The following ADGRA2 variants were observed in gnomAD, a reference collection of about 807,000 sequenced individuals.
ADGRA2 encodes the protein adhesion G protein-coupled receptor A2.
In ADGRA2, 61 loss-of-function variants were observed where a neutral mutation model predicts 98.7. The observed-to-expected ratio is 0.62, with a 90% CI of 0.50 to 0.76. The LOEUF (loss-of-function observed/expected upper bound fraction) is 0.76, where lower values mean the gene tolerates loss of function less well. Among genes scored for constraint, ADGRA2 ranks in the 30% least tolerant of loss-of-function variants. The pLI, the probability that ADGRA2 is intolerant of heterozygous loss-of-function variation, is 0.00. For synonymous variants in ADGRA2, 858 were observed against 831.5 expected, an observed-to-expected ratio of 1.03 and a Z score of -0.55; for missense variants, 1,712 against 1,860.0, an observed-to-expected ratio of 0.92 and a Z score of 1.46.
At chr8:37,825,356 G>T (rs1253982739) in intron 2 of ADGRA2, among the ~76,000 whole-genome samples, 1 of 151,740 alleles carries the variant, frequency 6.6e-6, no homozygotes, top group South Asian at 2.1e-4. Flanking sequence ...TGATTCTCCT[G>T]CCTCAGCCTC....
Position 37,832,936 on chromosome 8 carries a change from C to A in ADGRA2, c.1098-74C>A, listed in dbSNP as rs1025147282. The A allele has an allele frequency of 5.9e-6, 7 of 1,190,068 alleles. No homozygotes were observed. The African/African-American group carries it at 6.0e-5, about 10-fold the overall frequency. 73.7% of individuals were successfully genotyped at this position (1,190,068 alleles called of 1,614,324 possible). ...AAGGCCCCAAGGAGTCCGGCCTCACCGTTCTAAAGTCGGGAGAAGGGCTGT... is the reference window on the plus strand; with the variant it reads ...AAGGCCCCAAGGAGTCCGGCCTCACAGTTCTAAAGTCGGGAGAAGGGCTGT... On this transcript the variant is annotated intron_variant, in intron 8 of 18. Transcript: ENST00000412232.
chr8:37,840,856 A>AGGGC lies in ADGRA2; in HGVS notation c.2747+7_2747+8insGGGC. 38 of 1,483,254 alleles carry AGGGC rather than the reference A, an allele frequency of 2.6e-5. No individual in the cohort carries two copies. Among genetic ancestry groups the AGGGC allele is most frequent in the Non-Finnish European group, 3.4e-5 (36 of 1,067,438 alleles). 91.9% of individuals were successfully genotyped at this position (1,483,254 alleles called of 1,614,324 possible). A position where few individuals can be genotyped will look rare whatever the true frequency, so the allele number is the denominator to read the frequency against. ...ACCGGGACCACAGCCCCTAGTGAGC[A>AGGGC]CCCCTCCCTCCCGCCCCAAGCCTAC... On this transcript the variant is annotated splice_region_variant and intron_variant, in intron 18 of 18. Transcript: ENST00000412232.
At chr8:37,840,378 C>CCGTCTTTGG in intron 17 of ADGRA2, 112 bp downstream of exon 17, 1 of 1,184,538 alleles carries the variant, frequency 8.4e-7, no homozygotes, top group Non-Finnish European at 1.2e-6. Context: ...GATCACTCTC[C>CCGTCTTTGG]AAAGACGGGG....
chr8:37,835,831 T>C, intron 13 of ADGRA2, 61 bp downstream of exon 13: 1 of 1,046,256 alleles, frequency 9.6e-7, no homozygotes, highest in Admixed American at 1.9e-5. Flanking sequence ...CCTGTTCCCC[T>C]TTATCCTGCC....
At chr8:37,817,942 C>T (rs889592851) in intron 2 of ADGRA2, among the ~76,000 whole-genome samples, 4 of 152,098 alleles carry the variant, frequency 2.6e-5, no homozygotes, top group Non-Finnish European at 4.4e-5. Context: ...TGCTTGAACC[C>T]GGGAGGCATA....
intron 13 of ADGRA2, among the ~76,000 whole-genome samples, chr8:37,836,177 A>G (rs115502283): frequency 0.01 from 1,551 of 152,150 alleles, 15 homozygotes; most frequent in African/African-American, 0.035. Context: ...TGGAAGGAAT[A>G]AAAACATCTA....
intron 2 of ADGRA2, among the ~76,000 whole-genome samples, chr8:37,822,159 A>G (rs1422611492): frequency 1.3e-5 from 2 of 152,146 alleles, no homozygotes; most frequent in Non-Finnish European, 2.9e-5. Flanking sequence ...GGATGGGACT[A>G]GAACCTCTCC....
At chr8:37,828,496 T>TC (rs1805348792) in intron 2 of ADGRA2, among the ~76,000 whole-genome samples, 1 of 144,256 alleles carries the variant, frequency 6.9e-6, no homozygotes, top group Non-Finnish European at 1.5e-5. Context: ...TTTTTTTTTT[T>TC]TTTTTTTTGA....
At position 37,837,795 on chromosome 8, in the gene ADGRA2, A is replaced by G; in HGVS notation, c.2115A>G (p.Gly705=). 1 of 1,548,544 alleles carries G rather than the reference A, an allele frequency of 6.5e-7. No homozygotes were observed. The highest frequency in any genetic ancestry group is 8.7e-7 in the Non-Finnish European group (1 of 1,145,872). The part of the protein sequence containing the change: ...VAVSLRHWAE[G]AEPVAAWWSQ... Reference sequence around the variant, plus strand: ...TTTCGCTGCGGCACTGGGCTGAGGGAGCCGAACCTGTGGCCGCTTGGTGGA... The same window carrying G: ...TTTCGCTGCGGCACTGGGCTGAGGGGGCCGAACCTGTGGCCGCTTGGTGGA... The change falls in exon 14 of 19, where the codon GGA becomes GGG. Residue 705 remains glycine (G), a synonymous_variant. Coordinates refer to ENST00000412232, the MANE Select transcript of ADGRA2 (RefSeq NM_032777.10).
At chr8:37,832,015 A>G (rs1805469172) in intron 8 of ADGRA2, among the ~76,000 whole-genome samples, 1 of 152,216 alleles carries the variant, frequency 6.6e-6, no homozygotes, top group Non-Finnish European at 1.5e-5. Context: ...AGCCAAGATC[A>G]CACCATTGCA....
intron 8 of ADGRA2, 36 bp from the exon 9 acceptor site, chr8:37,832,974 C>T (rs544192044): frequency 1.3e-6 from 2 of 1,536,856 alleles, no homozygotes; most frequent in African/African-American, 2.7e-5. Context: ...TTCTGAGAAG[C>T]CCGGTTCATC....
chr8:37,841,496 T>C lies in ADGRA2; in HGVS notation c.3158T>C (p.Leu1053Ser). The change falls in exon 19 of 19, where the codon TTG becomes TCG. Residue 1053 changes from leucine (L) to serine (S), a missense_variant. By Grantham distance (145) the Leu-to-Ser change is moderately radical. Transcript: ENST00000412232. The surrounding 1 kb of genome is among the most constrained non-coding windows in gnomAD (Gnocchi z 5.0). ...CTGCCCCGGGTGGTGTGCAGCTGCT[T>C]GTACGGGGTGGCAGCCTCCGCCCTG... ...RWLPRVVCSC[L>S]YGVAASALGL... 2 of 1,613,008 alleles carry C rather than the reference T, an allele frequency of 1.2e-6. No homozygotes were observed. The highest frequency in any genetic ancestry group is 8.5e-7 in the Non-Finnish European group (1 of 1,179,864).
Position 37,834,042 on chromosome 8 carries a change from G to C in ADGRA2, c.1522G>C (p.Glu508Gln). The change falls in exon 11 of 19, where the codon GAG (glutamate) becomes CAG (glutamine). Residue 508 changes from glutamate (E) to glutamine (Q), a missense_variant. Transcript: ENST00000412232. This position sits in a 1 kb window ranked among gnomAD's most constrained non-coding sequence, Gnocchi z 4.2. ...DEHLLWLAQR[E>Q]DKACSRIVGA... ...GCACCTGCTGTGGCTGGCCCAGCGC[G>C]AGGACAAGGCCTGCAGCCGCATCGT... 6.2e-7 allele frequency: 1 copy of C among 1,612,998 alleles called. No individual in the cohort carries two copies.
intron 16 of ADGRA2, 52 bp downstream of exon 16, chr8:37,839,674 C>G: frequency 6.2e-7 from 1 of 1,600,270 alleles, no homozygotes; most frequent in Non-Finnish European, 8.5e-7. Flanking sequence ...AGTGCTGGCA[C>G]CTAGGCATAG....
chr8:37,837,763 G>A lies in ADGRA2; in HGVS notation c.2083G>A (p.Val695Met). The change falls in exon 14 of 19, where the codon GTG (valine) becomes ATG (methionine). Residue 695 changes from valine to methionine, a missense_variant. Coordinates refer to ENST00000412232, the MANE Select transcript of ADGRA2 (RefSeq NM_032777.10). ...TGGCGTGGGAAACCTGACAGAGCCAGTGGCCGTTTCGCTGCGGCACTGGGC... is the reference window on the plus strand; with the variant it reads ...TGGCGTGGGAAACCTGACAGAGCCAATGGCCGTTTCGCTGCGGCACTGGGC... ...GCGVGNLTEP[V>M]AVSLRHWAEG... is the part of the protein sequence containing the mutation. 1 of 1,553,314 alleles carries A rather than the reference G, an allele frequency of 6.4e-7. No homozygotes were observed. The highest frequency in any genetic ancestry group is 8.7e-7 in the Non-Finnish European group (1 of 1,148,490).
At position 37,841,880 on chromosome 8, in the gene ADGRA2, G is replaced by A. The variant is rs931037129; in HGVS notation, c.3542G>A (p.Arg1181Gln). 2 of 1,534,774 alleles carry A rather than the reference G, an allele frequency of 1.3e-6. No individual in the cohort carries two copies. The highest frequency in any genetic ancestry group is 1.7e-6 in the Non-Finnish European group (2 of 1,146,956). The change falls in exon 19 of 19, where the codon CGG becomes CAG. Residue 1181 changes from arginine to glutamine, a missense_variant. By Grantham distance (43) the Arg-to-Gln change is conservative. Coordinates refer to ENST00000412232, the MANE Select transcript of ADGRA2 (RefSeq NM_032777.10). The surrounding 1 kb of genome is among the most constrained non-coding windows in gnomAD (Gnocchi z 5.0). ...RHPNNVHHGR[R>Q]AHKSRAKGHR... ...CCCAACAACGTGCACCACGGGCGTCGGGCGCACAAGAGCCGGGCCAAGGGA... is the reference window on the plus strand; with the variant it reads ...CCCAACAACGTGCACCACGGGCGTCAGGCGCACAAGAGCCGGGCCAAGGGA...
intron 13 of ADGRA2, among the ~76,000 whole-genome samples, chr8:37,835,976 A>T (rs1416166390): frequency 6.6e-6 from 1 of 151,688 alleles, no homozygotes; most frequent in East Asian, 1.9e-4. Context: ...CCTCAGGAAG[A>T]CATTGCCTTC....
At chr8:37,831,958 G>A (rs1158818591) in intron 8 of ADGRA2, among the ~76,000 whole-genome samples, 1 of 152,150 alleles carries the variant, frequency 6.6e-6, no homozygotes, top group Admixed American at 6.5e-5. Context: ...TACTCAGGAG[G>A]CTGAGGCAGG....
intron 2 of ADGRA2, among the ~76,000 whole-genome samples, chr8:37,827,281 A>G (rs1214573784): frequency 1.3e-5 from 2 of 152,234 alleles, no homozygotes; most frequent in Admixed American, 6.5e-5. Context: ...CACAGAGGAC[A>G]GGGTGAGGGA....
Sources: gnomAD v4.1 joint callset for allele counts (sites outside exome capture counted in the v4.1 genomes callset) on GRCh38, gnomAD v4.1.1 for gene constraint, Gnocchi (gnomAD v3.1) non-coding constraint, MANE v1.5 for transcripts, NCBI Gene and HGNC (gene_info 2026-07-23, HGNC 2026-07-21) for gene names.